Variants in REEP3 observed in about 807,000 individuals in gnomAD.
The protein encoded by REEP3 is receptor expression-enhancing protein 3.
In REEP3, 20 loss-of-function variants were observed where a neutral mutation model predicts 41.3. The observed-to-expected ratio is 0.48, with a 90% confidence interval of 0.34 to 0.70. The LOEUF (loss-of-function observed/expected upper bound fraction) is 0.70, where lower values mean the gene tolerates loss of function less well. REEP3 is among the 30% of genes least tolerant of loss of function. REEP3 has a pLI of 0.01. For missense variants in REEP3, 271 were observed against 308.8 expected, an observed-to-expected ratio of 0.88 and a Z score of 0.92; for synonymous variants, 104 against 101.8, an observed-to-expected ratio of 1.02 and a Z score of -0.13.
At chr10:63,574,181 A>T (rs930556377) in intron 2 of REEP3, among the ~76,000 whole-genome samples, 1 of 152,198 alleles carries the variant, frequency 6.6e-6, no homozygotes, top group Non-Finnish European at 1.5e-5. Context: ...AATTTTTCAG[A>T]TGGACGTCAT....
At chr10:63,598,963 A>G (rs1182403129) in intron 4 of REEP3, among the ~76,000 whole-genome samples, 1 of 152,106 alleles carries the variant, frequency 6.6e-6, no homozygotes, top group Non-Finnish European at 1.5e-5. Flanking sequence ...ATGGTGGTAC[A>G]CACTTATTGT....
rs537241687 is a variant in REEP3 at position 63,620,323 on chromosome 10, C to T, written c.712-490C>T. ...GGTAAACTCTTAATCTTCTGCTATA[C>T]GTAGAAAATGGCATTCTCATTTAGC... On this transcript the variant is annotated intron_variant, in intron 7 of 7. Transcript: ENST00000373758. 5.3e-5 allele frequency among the ~76,000 whole-genome samples: 8 copies of T among 152,278 alleles called. No homozygotes were observed. In the South Asian group the frequency reaches 8.3e-4, roughly 16 times the overall value.
chr10:63,558,285 G>T (rs1955708985), intron 1 of REEP3, among the ~76,000 whole-genome samples: 1 of 152,330 alleles, frequency 6.6e-6, no homozygotes, highest in African/African-American at 2.4e-5. Context: ...AGGTTATGGT[G>T]CTGTGTTGAC....
chr10:63,561,704 C>G (rs12245367), intron 1 of REEP3, among the ~76,000 whole-genome samples: 1 of 151,846 alleles, frequency 6.6e-6, no homozygotes, highest in Non-Finnish European at 1.5e-5. Flanking sequence ...TGGCATGAGC[C>G]CAGATGTATT....
chr10:63,533,804 T>C (rs2133343234), intron 1 of REEP3, among the ~76,000 whole-genome samples: 1 of 145,834 alleles, frequency 6.9e-6, no homozygotes, highest in African/African-American at 2.5e-5. Flanking sequence ...GCCTCCCGGG[T>C]TCAAGCAATT....
In REEP3 at chr10:63,622,705, C is replaced by CTTTTTTTTTTTTTTTT. The variant is rs67568146; in HGVS notation, c.*1841_*1856dup. 138 of 116,596 alleles carry CTTTTTTTTTTTTTTTT rather than the reference C, an allele frequency of 1.2e-3. 12 individuals carry two copies. Among genetic ancestry groups the CTTTTTTTTTTTTTTTT allele is most frequent in the African/African-American group, 4.7e-3 (133 of 28,078 alleles). 7.2% of individuals were successfully genotyped at this position (116,596 alleles called of 1,614,324 possible). A position where few individuals can be genotyped will look rare whatever the true frequency, so the allele number is the denominator to read the frequency against. On this transcript the variant is annotated 3_prime_UTR_variant, in exon 8 of 8. Coordinates refer to ENST00000373758, the MANE Select transcript of REEP3 (RefSeq NM_001001330.3). The stretch of plus-strand genomic sequence containing the variant: ...TGGGAGCTGATTTGCACCATTTTAC[C>CTTTTTTTTTTTTTTTT]TTTTTTTTTTTTTTTTTTTTGAGAC...
intron 2 of REEP3, among the ~76,000 whole-genome samples, chr10:63,572,776 T>C (rs1206827851): frequency 6.6e-6 from 1 of 152,256 alleles, no homozygotes. Flanking sequence ...TGTTGTTTTA[T>C]TAATTGCTAT....
At chr10:63,564,604 C>T (rs1442763679) in intron 1 of REEP3, among the ~76,000 whole-genome samples, 2 of 150,338 alleles carry the variant, frequency 1.3e-5, no homozygotes, top group African/African-American at 2.4e-5. Context: ...GTCTGGGCGA[C>T]GGCGAGACCC....
Position 63,599,273 on chromosome 10 carries a change from C to T in REEP3, c.407C>T (p.Ala136Val). 2 of 1,480,594 alleles carry T rather than the reference C, an allele frequency of 1.4e-6. No individual in the cohort carries two copies. Among genetic ancestry groups the T allele is most frequent in the Non-Finnish European group, 1.8e-6 (2 of 1,093,406 alleles). The allele number at this position is 1,480,594 out of a possible 1,614,324, so 91.7% of individuals were successfully genotyped here. ...CTTGCAGCTACTGCTGCTGTTACTG[C>T]AGCAGTAAAGGTAATTGTTCATTTA... ...LNLAATAAVT[A>V]AVKSQGAITE... Residue 136 changes from alanine to valine, a missense_variant, in exon 5 of 8, where the codon GCA becomes GTA. Ala to Val is a moderately conservative substitution (Grantham distance 64). Coordinates refer to ENST00000373758, the MANE Select transcript of REEP3 (RefSeq NM_001001330.3).
chr10:63,584,037 G>T (rs1955980081), intron 2 of REEP3, among the ~76,000 whole-genome samples: 1 of 152,076 alleles, frequency 6.6e-6, no homozygotes, highest in African/African-American at 2.4e-5. Flanking sequence ...ACTCTACTGA[G>T]GTCAGGGTTG....
intron 1 of REEP3, among the ~76,000 whole-genome samples, chr10:63,541,401 C>A (rs1955527064): frequency 6.6e-6 from 1 of 151,948 alleles, no homozygotes; most frequent in Non-Finnish European, 1.5e-5. Context: ...TCCATAGAAC[C>A]CTAGAATTTG....
intron 2 of REEP3, among the ~76,000 whole-genome samples, chr10:63,585,537 C>G (rs955891700): frequency 6.6e-6 from 1 of 152,056 alleles, no homozygotes; most frequent in Non-Finnish European, 1.5e-5. Context: ...CCCATGAAAG[C>G]TTTGTGGGTG....
intron 1 of REEP3, among the ~76,000 whole-genome samples, chr10:63,542,865 G>A (rs550892760): frequency 4.6e-5 from 7 of 152,202 alleles, no homozygotes; most frequent in Admixed American, 3.3e-4. Flanking sequence ...ACTTAGGTAC[G>A]ACCTCAGCTC....
chr10:63,542,924 TC>T (rs2133352747), intron 1 of REEP3, among the ~76,000 whole-genome samples: 1 of 152,330 alleles, frequency 6.6e-6, no homozygotes, highest in East Asian at 1.9e-4. Context: ...GCCACAGGTA[TC>T]ATCAGAGTAG....
chr10:63,597,769 C>T (rs1211368630), intron 3 of REEP3, among the ~76,000 whole-genome samples: 1 of 151,928 alleles, frequency 6.6e-6, no homozygotes, highest in Non-Finnish European at 1.5e-5. Flanking sequence ...GAAAATTAGC[C>T]AGGAGTGGTG....
intron 1 of REEP3, among the ~76,000 whole-genome samples, chr10:63,551,544 A>G (rs1013538762): frequency 1.3e-5 from 2 of 152,182 alleles, no homozygotes; most frequent in South Asian, 4.1e-4. Context: ...TACCTAACAT[A>G]TACTACCTCA....
intron 1 of REEP3, among the ~76,000 whole-genome samples, chr10:63,561,144 C>T (rs1428619052): frequency 6.6e-6 from 1 of 152,150 alleles, no homozygotes; most frequent in Non-Finnish European, 1.5e-5. Context: ...AGGCAAAGCA[C>T]ATATATGTAT....
chr10:63,581,328 A>T (rs1395351540), intron 2 of REEP3, among the ~76,000 whole-genome samples: 1 of 152,212 alleles, frequency 6.6e-6, no homozygotes, highest in Admixed American at 6.5e-5. Context: ...CACTCTCCAA[A>T]ACGTCATAAC....
chr10:63,549,683 A>G (rs1288751725), intron 1 of REEP3, among the ~76,000 whole-genome samples: 1 of 152,238 alleles, frequency 6.6e-6, no homozygotes, highest in East Asian at 1.9e-4. Context: ...ATGAATGTGT[A>G]TGGTTAGCAA....
Sources: allele counts gnomAD v4.1 joint callset (sites outside exome capture counted in the v4.1 genomes callset), GRCh38; gene constraint gnomAD v4.1.1; transcripts MANE v1.5; gene names NCBI Gene and HGNC (gene_info 2026-07-23, HGNC 2026-07-21).